MRPL52: variants seen among roughly 807,000 people sequenced by gnomAD.
MRPL52 encodes mitochondrial ribosomal protein L52.
MRPL52 carries 19 observed loss-of-function variants against 22.1 expected under a neutral mutation model. The observed-to-expected ratio is 0.86, with a 90% confidence interval of 0.60 to 1.26. The LOEUF (loss-of-function observed/expected upper bound fraction) is 1.26. Among genes scored for constraint, MRPL52 ranks in the 50% most tolerant of loss-of-function variants. The probability of loss-of-function intolerance (pLI) is 0.00; values close to 1 mark genes in which losing one functional copy is unlikely to be tolerated. For missense variants in MRPL52, 152 were observed against 148.1 expected (o/e 1.03, Z -0.14); for synonymous variants, 50 against 57.5 (o/e 0.87, Z 0.59).
Position 22,833,863 on chromosome 14 carries a change from C to T in MRPL52, c.220-309C>T, listed in dbSNP as rs139745019. ...CTTGAACTCCCCACCTCAGGTGATC[C>T]GCCTGCCTCAGCCTCCCAAAGTGCT... On this transcript the variant is annotated intron_variant, in intron 4 of 4. Coordinates refer to ENST00000397496, the MANE Select transcript of MRPL52 (RefSeq NM_180982.3). 9.7e-3 allele frequency among the ~76,000 whole-genome samples: 1,471 copies of T among 152,274 alleles called. 8 individuals are homozygous for T. The highest frequency in any genetic ancestry group is 0.029 in the South Asian group (142 of 4,828).
chr14:22,831,470 A>G (rs2039617595), intron 3 of MRPL52: 1 of 153,732 alleles, frequency 6.5e-6, no homozygotes, highest in African/African-American at 2.4e-5. Context: ...GGTCTTGGAC[A>G]AATTACTTAA....
intron 3 of MRPL52, chr14:22,831,222 C>G: frequency 2.0e-6 from 1 of 511,340 alleles, no homozygotes. Context: ...AAGCAGTCCT[C>G]CCACCTCAGC....
chr14:22,829,893 C>T lies in MRPL52; in HGVS notation c.-20C>T, dbSNP rs1412928451. On this transcript the variant is annotated 5_prime_UTR_variant, in exon 1 of 5. Transcript: ENST00000397496. ...CGAGGCCACGCCTACTTCCGGCTAC[C>T]CCGGCTACTCCTGCTCAGCATGGCT... 3.2e-6 allele frequency: 5 copies of T among 1,564,502 alleles called. No homozygotes were observed. The highest frequency in any genetic ancestry group is 4.3e-6 in the Non-Finnish European group (5 of 1,152,646).
rs2039573303 is a variant in MRPL52 at position 22,830,210 on chromosome 14, C to G, written c.110C>G (p.Ser37Cys). Residue 37 changes from serine to cysteine, a missense_variant, in exon 3 of 5, where the codon TCC (serine) becomes TGC (cysteine). Coordinates refer to ENST00000397496, the MANE Select transcript of MRPL52 (RefSeq NM_180982.3). The part of the protein sequence containing the change: ...RLQQGLAANP[S>C]GYGPLTELPD... ...AGGCAGGGACTGGCTGCCAACCCCT[C>G]CGGCTACGGGCCCCTTACCGAGCTC... 1 of 1,614,246 alleles carries G rather than the reference C, an allele frequency of 6.2e-7. No individual in the cohort carries two copies. The highest frequency in any genetic ancestry group is 1.1e-5 in the South Asian group (1 of 91,084).
rs778133142 is a variant in MRPL52, at chr14:22,830,060, G to T, written c.36G>T (p.Arg12=). 19 of 1,613,968 alleles carry T rather than the reference G, an allele frequency of 1.2e-5. No individual in the cohort carries two copies. In the South Asian group the frequency reaches 2.1e-4, roughly 18 times the overall value. ...GCTCTGTTCTCCCAGCAGGTGTCCG[G>T]AGGCTGCACTGCAGCGTAGCCGCTT... ...AALGTVLFSV[R]RLHCSVAAWA... The change falls in exon 2 of 5, where the codon CGG becomes CGT. Residue 12 remains arginine, a synonymous_variant. Coordinates refer to ENST00000397496, the MANE Select transcript of MRPL52 (RefSeq NM_180982.3).
rs200119524 is a variant in MRPL52 at position 22,830,130 on chromosome 14, C to G, written c.86+20C>G. On this transcript the variant is annotated intron_variant, in intron 2 of 4. Coordinates refer to ENST00000397496, the MANE Select transcript of MRPL52 (RefSeq NM_180982.3). ...ACTACAGTGAGTCCTGGGATGAGGG[C>G]ACCTGGGGGACCAGAAGCTGGGCTA... The G allele has an allele frequency of 5.6e-5, 91 of 1,614,192 alleles. No homozygotes were observed. In the African/African-American group the frequency reaches 1.1e-3, roughly 20 times the overall value.
At chr14:22,833,621 G>GT (rs2039673940) in intron 4 of MRPL52, 139 bp downstream of exon 4, 2 of 619,578 alleles carry the variant, frequency 3.2e-6, no homozygotes, top group Non-Finnish European at 5.6e-6. Flanking sequence ...GGTTTTTTTT[G>GT]TTTTTGTTTT....
intron 3 of MRPL52, chr14:22,830,992 G>T (rs1349857889): frequency 6.5e-7 from 1 of 1,532,876 alleles, no homozygotes; most frequent in Non-Finnish European, 8.7e-7. Flanking sequence ...TTGGATAATT[G>T]GTGACTGAGG....
At chr14:22,830,306 G>C in intron 3 of MRPL52, 52 bp downstream of exon 3, 1 of 1,594,314 alleles carries the variant, frequency 6.3e-7, no homozygotes, top group Non-Finnish European at 8.6e-7. Context: ...CACCTAGAGG[G>C]AACGCCCCTG....
rs763012581 is a variant in MRPL52, at chr14:22,834,174, A to T, written c.222A>T (p.Arg74Ser). ...RRKAERETFA[R>S]RVVLLSQEMD... is the part of the protein sequence containing the mutation. Reference sequence around the variant, plus strand: ...CACTGTTTTCCTGTCTGTTTCAGAGACGAGTTGTACTGCTGTCACAGGAAA... The same window carrying T: ...CACTGTTTTCCTGTCTGTTTCAGAGTCGAGTTGTACTGCTGTCACAGGAAA... The change falls in exon 5 of 5, where the codon AGA becomes AGT. Residue 74 changes from arginine (R) to serine (S), a missense_variant and splice_region_variant. Coordinates refer to ENST00000397496, the MANE Select transcript of MRPL52 (RefSeq NM_180982.3). 2 of 1,613,992 alleles carry T rather than the reference A, an allele frequency of 1.2e-6. No individual in the cohort carries two copies. Among genetic ancestry groups the T allele is most frequent in the Non-Finnish European group, 1.7e-6 (2 of 1,179,972 alleles).
intron 3 of MRPL52, among the ~76,000 whole-genome samples, chr14:22,833,081 G>A (rs903398399): frequency 6.6e-6 from 1 of 152,100 alleles, no homozygotes; most frequent in Non-Finnish European, 1.5e-5. Flanking sequence ...GGGAGTCTGA[G>A]GCAGGATAAT....
At chr14:22,830,305 G>GGAAC (rs1166780866) in intron 3 of MRPL52, 51 bp downstream of exon 3, 1 of 1,598,260 alleles carries the variant, frequency 6.3e-7, no homozygotes, top group Admixed American at 1.7e-5. Context: ...TCACCTAGAG[G>GGAAC]GAACGCCCCT....
chr14:22,831,051 C>A lies in MRPL52; in HGVS notation c.154+797C>A, dbSNP rs188721922. The A allele has an allele frequency of 2.1e-6, 3 of 1,445,616 alleles. No homozygotes were observed. The East Asian group carries it at 7.6e-5, about 37-fold the overall frequency. 89.5% of individuals were successfully genotyped at this position (1,445,616 alleles called of 1,614,324 possible). A position where few individuals can be genotyped will look rare whatever the true frequency, so the allele number is the denominator to read the frequency against. On this transcript the variant is annotated intron_variant, in intron 3 of 4. Transcript: ENST00000397496. Reference sequence around the variant, plus strand: ...TTGTTATTTACTGTAAGAAGCCTGGCATCTCCTTGTAGTAGTATGGACTAT... The same window carrying A: ...TTGTTATTTACTGTAAGAAGCCTGGAATCTCCTTGTAGTAGTATGGACTAT...
At chr14:22,830,284 T>C in intron 3 of MRPL52, 30 bp downstream of exon 3, 1 of 1,613,070 alleles carries the variant, frequency 6.2e-7, no homozygotes, top group Non-Finnish European at 8.5e-7. Flanking sequence ...TTAACTCCAC[T>C]GGGGAGATTT....
In MRPL52 at chr14:22,834,179, T is replaced by A. The variant is rs774534863; in HGVS notation, c.227T>A (p.Val76Asp). ...KAERETFARR[V>D]VLLSQEMDAG... ...TTTTCCTGTCTGTTTCAGAGACGAGTTGTACTGCTGTCACAGGAAATGGAC... is the reference window on the plus strand; with the variant it reads ...TTTTCCTGTCTGTTTCAGAGACGAGATGTACTGCTGTCACAGGAAATGGAC... The change falls in exon 5 of 5, where the codon GTT (valine) becomes GAT (aspartate). Residue 76 changes from valine (V) to aspartate (D), a missense_variant. Val to Asp is a radical substitution (Grantham distance 152, BLOSUM62 -3). Transcript: ENST00000397496. 1.2e-6 allele frequency: 2 copies of A among 1,613,952 alleles called. No homozygotes were observed. Among genetic ancestry groups the A allele is most frequent in the Non-Finnish European group, 1.7e-6 (2 of 1,179,962 alleles).
chr14:22,831,051 C>T, intron 3 of MRPL52: 2 of 1,445,618 alleles, frequency 1.4e-6, no homozygotes, highest in African/African-American at 1.5e-5. Flanking sequence ...AGAAGCCTGG[C>T]ATCTCCTTGT....
At chr14:22,830,878 G>C (rs1019167622) in intron 3 of MRPL52, 1 of 898,842 alleles carries the variant, frequency 1.1e-6, no homozygotes, top group Non-Finnish European at 1.7e-6. Flanking sequence ...CAGCTAGGTA[G>C]TAGCAAATCC....
rs1373199389 is a variant in MRPL52, at chr14:22,830,062, G to T, written c.38G>T (p.Arg13Met). The T allele has an allele frequency of 1.9e-6, 3 of 1,613,992 alleles. No individual in the cohort carries two copies. Among genetic ancestry groups the T allele is most frequent in the African/African-American group, 1.3e-5 (1 of 74,956 alleles). Residue 13 changes from arginine to methionine, a missense_variant, in exon 2 of 5, where the codon AGG becomes ATG. Coordinates refer to ENST00000397496, the MANE Select transcript of MRPL52 (RefSeq NM_180982.3). Reference protein sequence around the residue: ...ALGTVLFSVRRLHCSVAAWAG... With the variant: ...ALGTVLFSVRMLHCSVAAWAG... Reference sequence around the variant, plus strand: ...TCTGTTCTCCCAGCAGGTGTCCGGAGGCTGCACTGCAGCGTAGCCGCTTGG... The same window carrying T: ...TCTGTTCTCCCAGCAGGTGTCCGGATGCTGCACTGCAGCGTAGCCGCTTGG...
chr14:22,831,668 T>A (rs999082711), intron 3 of MRPL52: 1 of 152,286 alleles, frequency 6.6e-6, no homozygotes, highest in Admixed American at 6.5e-5. Flanking sequence ...TCTGTTTCTT[T>A]CTTTGCGGAA....
Sources: allele counts gnomAD v4.1 joint callset (sites outside exome capture counted in the v4.1 genomes callset), GRCh38; gene constraint gnomAD v4.1.1; transcripts MANE v1.5; gene names NCBI Gene and HGNC (gene_info 2026-07-23, HGNC 2026-07-21).